PRKCSH: variants seen among roughly 807,000 people sequenced by gnomAD.
PRKCSH encodes the protein PRKCSH beta subunit of glucosidase II, also known as glucosidase 2 subunit beta.
In PRKCSH, 42 loss-of-function variants were observed where a neutral mutation model predicts 79.7. That is an observed-to-expected ratio of 0.53 (90% CI 0.41 to 0.68). The LOEUF is 0.68. Ranked by LOEUF, PRKCSH falls within the 30% of genes least tolerant of loss-of-function variation. The pLI, the probability that PRKCSH is intolerant of heterozygous loss-of-function variation, is 0.00. For missense variants in PRKCSH, 686 were observed against 709.0 expected, an observed-to-expected ratio of 0.97 and a Z score of 0.37; for synonymous variants, 325 against 288.2, an observed-to-expected ratio of 1.13 and a Z score of -1.29.
At chr19:11,441,967 G>A (rs1012514098) in intron 6 of PRKCSH, among the ~76,000 whole-genome samples, 18 of 152,234 alleles carry the variant, frequency 1.2e-4, no homozygotes, top group Admixed American at 8.5e-4. Context: ...CAGGAGGCAA[G>A]GAAGGCTTCT....
At chr19:11,438,984 T>C (rs1374546696) in intron 5 of PRKCSH, among the ~76,000 whole-genome samples, 2 of 151,694 alleles carry the variant, frequency 1.3e-5, no homozygotes, top group Non-Finnish European at 2.9e-5. Flanking sequence ...CTTGGCTCAC[T>C]GCAACCTCTG....
At chr19:11,442,891 A>T (rs1370942364) in intron 7 of PRKCSH, among the ~76,000 whole-genome samples, 1 of 151,964 alleles carries the variant, frequency 6.6e-6, no homozygotes, top group Non-Finnish European at 1.5e-5. Context: ...TTTAGTAGAG[A>T]CGGGGTTTCA....
At chr19:11,445,266 C>T in intron 7 of PRKCSH, 123 bp from the exon 8 acceptor site, 2 of 857,820 alleles carry the variant, frequency 2.3e-6, no homozygotes, top group East Asian at 2.5e-5. Context: ...ACAGTCGTGT[C>T]CTCAGGGTCC....
At position 11,448,272 on chromosome 19, in the gene PRKCSH, G is replaced by A; in HGVS notation, c.1177G>A (p.Asp393Asn). The A allele has an allele frequency of 6.4e-7, 1 of 1,572,830 alleles. No individual in the cohort carries two copies. The highest frequency in any genetic ancestry group is 1.2e-5 in the South Asian group (1 of 85,692). ...CGAGGAGGCCGAGCGGTCGCTGAAG[G>A]ACATGGAGGAGTCCATCAGGTAGCG... is the stretch of plus-strand genomic sequence containing the variant. Reference protein sequence around the residue: ...KFEEAERSLKDMEESIRNLEQ... With the variant: ...KFEEAERSLKNMEESIRNLEQ... The change falls in exon 13 of 18, where the codon GAC (aspartate) becomes AAC (asparagine). Residue 393 changes from aspartate to asparagine, a missense_variant. Asp to Asn is a conservative substitution (Grantham distance 23, BLOSUM62 1). Transcript: ENST00000677123. This position sits in a 1 kb window ranked among gnomAD's most constrained non-coding sequence, Gnocchi z 4.4.
At chr19:11,441,162 T>C (rs1313450496) in intron 5 of PRKCSH, 78 bp from the exon 6 acceptor site, 4 of 1,417,328 alleles carry the variant, frequency 2.8e-6, no homozygotes, top group Non-Finnish European at 2.0e-6. Flanking sequence ...CACAGCTGGA[T>C]TGAGCTATTT....
Position 11,440,571 on chromosome 19 carries a change from G to A in PRKCSH, c.351-669G>A, listed in dbSNP as rs528005596. 3.3e-5 allele frequency among the ~76,000 whole-genome samples: 5 copies of A among 152,120 alleles called. No homozygotes were observed. The East Asian group carries it at 9.7e-4, about 29-fold the overall frequency. On this transcript the variant is annotated intron_variant, in intron 5 of 17. Transcript: ENST00000677123. ...AGTGATTCTCTTGCCTCAGCCTCCC[G>A]TGTAGCTGGGATTACACCGTGTAGC...
rs758607686 is a variant in PRKCSH, at chr19:11,439,605, C to CTTTTTTTT, written c.350+1501_350+1508dup. Among the ~76,000 whole-genome samples, 46 of 68,848 alleles carry CTTTTTTTT rather than the reference C, an allele frequency of 6.7e-4. 2 individuals are homozygous for CTTTTTTTT. The highest frequency in any genetic ancestry group is 1.6e-3 in the South Asian group (3 of 1,896). The allele number at this position is 68,848 out of a possible 152,430, so 45.2% of individuals were successfully genotyped here. On this transcript the variant is annotated intron_variant, in intron 5 of 17. Transcript: ENST00000677123. ...CCCGTCTCAGAAAAATTTTTCTTTT[C>CTTTTTTTT]TTTTTTTTTTTTTTTTTTTTTTTTT...
At chr19:11,437,657 C>G (rs564332991) in intron 3 of PRKCSH, among the ~76,000 whole-genome samples, 1 of 152,290 alleles carries the variant, frequency 6.6e-6, no homozygotes, top group African/African-American at 2.4e-5. Context: ...CAGGTGGAGA[C>G]CCTGTTTTGA....
At chr19:11,445,801 G>T in intron 8 of PRKCSH, 1 of 475,560 alleles carries the variant, frequency 2.1e-6, no homozygotes, top group East Asian at 4.1e-5. Context: ...TTCGAATCCT[G>T]GCTGTGCCTC....
rs765372147 is a variant in PRKCSH, at chr19:11,436,091, G to C, written c.-27G>C. On this transcript the variant is annotated 5_prime_UTR_variant, in exon 2 of 18. Coordinates refer to ENST00000677123, the MANE Select transcript of PRKCSH (RefSeq NM_001289104.2). ...CTGTAGGCTTCCTCCCACAGAACCC[G>C]TTTCGGGCCTCAGAGCGTCTGGTGA... 6.2e-7 allele frequency: 1 copy of C among 1,606,310 alleles called. No individual in the cohort carries two copies.
At chr19:11,436,278 TTTTG>T in intron 2 of PRKCSH, 82 bp downstream of exon 2, 1 of 1,591,360 alleles carries the variant, frequency 6.3e-7, no homozygotes, top group East Asian at 2.2e-5. Context: ...ATTTACAGCC[TTTTG>T]ACTCAGTTTC....
intron 8 of PRKCSH, 85 bp from the exon 9 acceptor site, chr19:11,446,187 G>A (rs1970287306): frequency 1.4e-6 from 2 of 1,464,870 alleles, no homozygotes; most frequent in African/African-American, 1.4e-5. Flanking sequence ...GCCCTGCAGG[G>A]AAGAACAGGT....
chr19:11,442,548 G>T (rs1292341233), intron 7 of PRKCSH, 33 bp downstream of exon 7: 1 of 1,604,568 alleles, frequency 6.2e-7, no homozygotes, highest in South Asian at 1.1e-5. Context: ...CTCACCTTCA[G>T]TCCTGGGTGG....
chr19:11,447,978 T>C lies in PRKCSH; in HGVS notation c.1126+189T>C. On this transcript the variant is annotated intron_variant, in intron 12 of 17. Transcript: ENST00000677123. This position sits in a 1 kb window ranked among gnomAD's most constrained non-coding sequence, Gnocchi z 5.6. ...CACCCTCGCCAGCCCCAAGGGGCCC[T>C]TCTGCCTCCCCAAGGGCCGCAGCTT... The C allele has an allele frequency of 1.3e-6, 1 of 789,564 alleles. No individual in the cohort carries two copies. The highest frequency in any genetic ancestry group is 2.0e-6 in the Non-Finnish European group (1 of 503,204). 48.9% of individuals were successfully genotyped at this position (789,564 alleles called of 1,614,324 possible).
chr19:11,437,882 C>G lies in PRKCSH; in HGVS notation c.203C>G (p.Ala68Gly). ...CKDGSDEPGT[A>G]ACPNGSFHCT... ...CCTCCCTTCTTCCTCACAGGCACGG[C>G]TGCCTGTCCTAATGGCAGCTTCCAC... Residue 68 changes from alanine (A) to glycine (G), a missense_variant, in exon 4 of 18, where the codon GCT (alanine) becomes GGT (glycine). Physicochemically the swap from Ala to Gly is moderately conservative, Grantham distance 60 (BLOSUM62 0). Coordinates refer to ENST00000677123, the MANE Select transcript of PRKCSH (RefSeq NM_001289104.2). 6.2e-7 allele frequency: 1 copy of G among 1,614,062 alleles called. No homozygotes were observed.
At chr19:11,439,313 G>A (rs1360023948) in intron 5 of PRKCSH, among the ~76,000 whole-genome samples, 2 of 152,052 alleles carry the variant, frequency 1.3e-5, no homozygotes, top group Admixed American at 1.3e-4. Flanking sequence ...GCTCCTGCCT[G>A]TAATCCCAGC....
rs1970109497 is a variant in PRKCSH, at chr19:11,442,523, A to G, written c.598+8A>G. ...ACCAGAAGCTGTGGGAAGGTATGGC[A>G]GAAATGGCCAAGGACTCACCTTCAG... is the stretch of plus-strand genomic sequence containing the variant. On this transcript the variant is annotated splice_region_variant and intron_variant, in intron 7 of 17. Transcript: ENST00000677123. The G allele has an allele frequency of 6.2e-7, 1 of 1,609,502 alleles. No homozygotes were observed. The highest frequency in any genetic ancestry group is 8.5e-7 in the Non-Finnish European group (1 of 1,178,390).
In PRKCSH at chr19:11,447,145, C is replaced by T. The variant is rs139969239; in HGVS notation, c.834C>T (p.Asp278=). ...ACCGCGTCTGGGCCGCCATCAGGGA[C>T]AAGTACCGGTCCGAGGTCAGTGGAG... The part of the protein sequence containing the change: ...FYDRVWAAIR[D]KYRSEALPTD... Residue 278 remains aspartate (D), a synonymous_variant, in exon 10 of 18, where the codon GAC becomes GAT. Transcript: ENST00000677123. The surrounding 1 kb of genome is among the most constrained non-coding windows in gnomAD (Gnocchi z 5.6). 993 of 1,613,990 alleles carry T rather than the reference C, an allele frequency of 6.2e-4. 5 individuals carry two copies. The highest frequency in any genetic ancestry group is 6.8e-4 in the Non-Finnish European group (802 of 1,179,870).
chr19:11,446,986 T>G (rs1970335641), intron 9 of PRKCSH, 88 bp from the exon 10 acceptor site: 2 of 1,398,366 alleles, frequency 1.4e-6, no homozygotes, highest in Admixed American at 1.7e-5. Context: ...AGCCCTCCCG[T>G]GCCTGGCACC....
Sources: gnomAD v4.1 joint callset for allele counts (sites outside exome capture counted in the v4.1 genomes callset) on GRCh38, gnomAD v4.1.1 for gene constraint, Gnocchi (gnomAD v3.1) non-coding constraint, MANE v1.5 for transcripts, NCBI Gene and HGNC (gene_info 2026-07-23, HGNC 2026-07-21) for gene names.